The following SLC25A44 variants were observed in gnomAD, a reference collection of about 807,000 sequenced individuals.
SLC25A44 encodes the protein solute carrier family 25 member 44.
A neutral mutation model predicts 29.9 loss-of-function variants in SLC25A44; 17 were observed. The observed-to-expected ratio is 0.57, with a 90% CI of 0.39 to 0.85. The LOEUF (loss-of-function observed/expected upper bound fraction) is 0.85, where lower values mean the gene tolerates loss of function less well. SLC25A44 is among the 40% of genes least tolerant of loss of function. The pLI is 0.00. For missense variants in SLC25A44, 302 were observed against 398.4 expected (o/e 0.76, Z 2.06); for synonymous variants, 140 against 151.8 (o/e 0.92, Z 0.57).
rs113788986 is a variant in SLC25A44 at position 156,201,620 on chromosome 1, CCTT to C, written c.625+1153_625+1155del. ...TTCTTCTTTCTGCTTTCTTCTTCTT[CCTT>C]CTTCCTCCTCCTCTTCTTCTTTTGT... On this transcript the variant is annotated intron_variant, in intron 2 of 3. Coordinates refer to ENST00000359511, the MANE Select transcript of SLC25A44 (RefSeq NM_014655.4). 4.9e-3 allele frequency among the ~76,000 whole-genome samples: 747 copies of C among 151,616 alleles called. 3 individuals carry two copies. Among genetic ancestry groups the C allele is most frequent in the African/African-American group, 0.017 (712 of 41,314 alleles).
intron 2 of SLC25A44, among the ~76,000 whole-genome samples, chr1:156,204,112 A>G (rs1157262605): frequency 2.1e-5 from 3 of 144,056 alleles, no homozygotes; most frequent in Non-Finnish European, 3.0e-5. Flanking sequence ...GGTTCAAGCA[A>G]TTCTCCTGCC....
chr1:156,208,360 C>T (rs2103052591), intron 3 of SLC25A44, among the ~76,000 whole-genome samples: 1 of 152,222 alleles, frequency 6.6e-6, no homozygotes, highest in South Asian at 2.1e-4. Context: ...CCCAGCTACT[C>T]GGGAGGCTGA....
At chr1:156,205,682 T>C (rs1355805518) in intron 2 of SLC25A44, among the ~76,000 whole-genome samples, 2 of 152,242 alleles carry the variant, frequency 1.3e-5, no homozygotes, top group Non-Finnish European at 2.9e-5. Flanking sequence ...CCTTCCACTG[T>C]TGGCCTCCCT....
At position 156,211,866 on chromosome 1, in the gene SLC25A44, C is replaced by T. The variant is rs1392446065; in HGVS notation, c.*1435C>T. ...TCCTCCAAACCCTATTGGTCCCACC[C>T]CCTGGGAAAGGCCATGGTGCCAGTT... is the stretch of plus-strand genomic sequence containing the variant. On this transcript the variant is annotated 3_prime_UTR_variant, in exon 4 of 4. Coordinates refer to ENST00000359511, the MANE Select transcript of SLC25A44 (RefSeq NM_014655.4). 6.5e-6 allele frequency: 1 copy of T among 152,784 alleles called. No individual in the cohort carries two copies. The highest frequency in any genetic ancestry group is 1.5e-5 in the Non-Finnish European group (1 of 68,056). 9.5% of individuals were successfully genotyped at this position (152,784 alleles called of 1,614,324 possible).
chr1:156,197,157 G>A (rs1395111477), intron 1 of SLC25A44: 8 of 152,148 alleles, frequency 5.3e-5, no homozygotes, highest in Admixed American at 1.3e-4. Flanking sequence ...ATGATCTTGC[G>A]ACCCTAGATG....
At chr1:156,194,566 C>T (rs142745879) in intron 1 of SLC25A44, among the ~76,000 whole-genome samples, 24 of 152,140 alleles carry the variant, frequency 1.6e-4, no homozygotes, top group Non-Finnish European at 3.1e-4. Flanking sequence ...CACGTGGGTA[C>T]CTATGGAAGA....
At position 156,211,056 on chromosome 1, in the gene SLC25A44, T is replaced by TTGTGTGTGTGTGTGTGTGTGTG; in HGVS notation, c.*649_*670dup. ...TGGGAGAAATGTTGATACTTTTGTTTTGTGTGTGTGTGTGTGTGTGTGTGT... is the reference window on the plus strand; with the variant it reads ...TGGGAGAAATGTTGATACTTTTGTTTTGTGTGTGTGTGTGTGTGTGTGTGTGTGTGTGTGTGTGTGTGTGTGT... On this transcript the variant is annotated 3_prime_UTR_variant, in exon 4 of 4. Transcript: ENST00000359511. 7.2e-6 allele frequency: 1 copy of TTGTGTGTGTGTGTGTGTGTGTG among 138,864 alleles called. No homozygotes were observed. The highest frequency in any genetic ancestry group is 2.2e-4 in the East Asian group (1 of 4,636). The allele number at this position is 138,864 out of a possible 1,614,324, so 8.6% of individuals were successfully genotyped here.
chr1:156,211,488 A>G lies in SLC25A44; in HGVS notation c.*1057A>G, dbSNP rs1450151468. On this transcript the variant is annotated 3_prime_UTR_variant, in exon 4 of 4. Coordinates refer to ENST00000359511, the MANE Select transcript of SLC25A44 (RefSeq NM_014655.4). ...ATTCTCTGCCCCAGGCAGCCATGAC[A>G]TACACATAAATACCCCAATCACTCA... 1 of 152,440 alleles carries G rather than the reference A, an allele frequency of 6.6e-6. No homozygotes were observed. The highest frequency in any genetic ancestry group is 6.5e-5 in the Admixed American group (1 of 15,288). The allele number at this position is 152,440 out of a possible 1,614,324, so 9.4% of individuals were successfully genotyped here.
rs867568448 is a variant in SLC25A44, at chr1:156,199,986, G to A, written c.139G>A (p.Val47Ile). The A allele has an allele frequency of 1.9e-6, 3 of 1,614,088 alleles. No homozygotes were observed. The highest frequency in any genetic ancestry group is 2.7e-5 in the African/African-American group (2 of 74,936). Residue 47 changes from valine to isoleucine, a missense_variant, in exon 2 of 4, where the codon GTT (valine) becomes ATT (isoleucine). Coordinates refer to ENST00000359511, the MANE Select transcript of SLC25A44 (RefSeq NM_014655.4). ...PFTLIRTRLQ[V>I]QKGKSLYHGT... The stretch of plus-strand genomic sequence containing the variant: ...CACCCTCATCCGCACCCGGTTGCAA[G>A]TTCAGAAGGGGAAGAGCCTCTACCA...
chr1:156,203,905 C>A (rs1656750856), intron 2 of SLC25A44, among the ~76,000 whole-genome samples: 1 of 151,250 alleles, frequency 6.6e-6, no homozygotes, highest in Non-Finnish European at 1.5e-5. Flanking sequence ...GGGGTTTCAC[C>A]GTGTTAACCA....
chr1:156,207,641 C>A (rs1558181744), intron 2 of SLC25A44, among the ~76,000 whole-genome samples: 1 of 151,900 alleles, frequency 6.6e-6, no homozygotes, highest in Non-Finnish European at 1.5e-5. Context: ...CACAGAGAGA[C>A]CCTGTCTCAA....
chr1:156,204,721 C>CA (rs1475060890), intron 2 of SLC25A44, among the ~76,000 whole-genome samples: 1 of 152,128 alleles, frequency 6.6e-6, no homozygotes, highest in African/African-American at 2.4e-5. Flanking sequence ...CTCCTGACCT[C>CA]AGGTGATCCA....
chr1:156,210,236 C>T lies in SLC25A44; in HGVS notation c.754-4C>T, dbSNP rs377471616. 78 of 1,543,134 alleles carry T rather than the reference C, an allele frequency of 5.1e-5. No homozygotes were observed. The highest frequency in any genetic ancestry group is 6.7e-5 in the Non-Finnish European group (77 of 1,142,832). ...ATGGCCCTCCACTGTGTTGACTTTT[C>T]CAGGTTGAGGGCAAGAACTCCATCA... On this transcript the variant is annotated splice_polypyrimidine_tract_variant and splice_region_variant and intron_variant, in intron 3 of 3. Transcript: ENST00000359511.
chr1:156,211,056 T>TG lies in SLC25A44; in HGVS notation c.*625_*626insG, dbSNP rs1657274475. On this transcript the variant is annotated 3_prime_UTR_variant, in exon 4 of 4. Coordinates refer to ENST00000359511, the MANE Select transcript of SLC25A44 (RefSeq NM_014655.4). The stretch of plus-strand genomic sequence containing the variant: ...TGGGAGAAATGTTGATACTTTTGTT[T>TG]TGTGTGTGTGTGTGTGTGTGTGTGT... The TG allele has an allele frequency of 5.0e-5, 7 of 138,964 alleles. No homozygotes were observed. Among genetic ancestry groups the TG allele is most frequent in the East Asian group, 2.2e-4 (1 of 4,624 alleles). 8.6% of individuals were successfully genotyped at this position (138,964 alleles called of 1,614,324 possible). A position where few individuals can be genotyped will look rare whatever the true frequency, so the allele number is the denominator to read the frequency against.
Position 156,200,138 on chromosome 1 carries a change from C to T in SLC25A44, c.291C>T (p.Thr97=). 2 of 1,614,164 alleles carry T rather than the reference C, an allele frequency of 1.2e-6. No individual in the cohort carries two copies. The highest frequency in any genetic ancestry group is 1.7e-6 in the Non-Finnish European group (2 of 1,180,026). ...GTTATGTCACCACTTATGAGCTCAC[C>T]CGGAAGTTTGTAGCTGACTACAGCC... The part of the protein sequence containing the change: ...GQCYVTTYEL[T]RKFVADYSQS... Residue 97 remains threonine, a synonymous_variant, in exon 2 of 4, where the codon ACC becomes ACT. Transcript: ENST00000359511.
At chr1:156,207,238 C>T (rs531432272) in intron 2 of SLC25A44, among the ~76,000 whole-genome samples, 1 of 149,576 alleles carries the variant, frequency 6.7e-6, no homozygotes, top group Non-Finnish European at 1.5e-5. Flanking sequence ...AGTGCAGTGG[C>T]GCGATCTTGG....
Position 156,198,456 on chromosome 1 carries a change from C to CT in SLC25A44, c.-13-1367dup, listed in dbSNP as rs56203315. 1.1e-3 allele frequency: 168 copies of CT among 146,492 alleles called. No homozygotes were observed. The highest frequency in any genetic ancestry group is 2.9e-3 in the East Asian group (15 of 5,090). The allele number at this position is 146,492 out of a possible 1,614,324, so 9.1% of individuals were successfully genotyped here. ...TACTCTGGTTTCCTTCCCTCTGTAT[C>CT]TTTTTTTTTTTTGAGATGGAGTCTC... On this transcript the variant is annotated intron_variant, in intron 1 of 3. Transcript: ENST00000359511. The surrounding 1 kb of genome is among the most constrained non-coding windows in gnomAD (Gnocchi z 4.1).
intron 3 of SLC25A44, among the ~76,000 whole-genome samples, chr1:156,208,267 G>A (rs533246059): frequency 1.6e-4 from 24 of 152,272 alleles, no homozygotes; most frequent in Admixed American, 1.5e-3. Flanking sequence ...CCAGGAGTTC[G>A]AGACCAGCCT....
At chr1:156,209,617 G>A (rs1657166992) in intron 3 of SLC25A44, among the ~76,000 whole-genome samples, 1 of 152,142 alleles carries the variant, frequency 6.6e-6, no homozygotes, top group Admixed American at 6.5e-5. Context: ...TTTCTGCTTG[G>A]CCAGGCTTTC....
Sources: allele counts gnomAD v4.1 joint callset (sites outside exome capture counted in the v4.1 genomes callset), GRCh38; gene constraint gnomAD v4.1.1; non-coding constraint Gnocchi (gnomAD v3.1); transcripts MANE v1.5; gene names NCBI Gene and HGNC (gene_info 2026-07-23, HGNC 2026-07-21).